The following CLYBL variants were observed in gnomAD, a reference collection of about 807,000 sequenced individuals.
The protein encoded by CLYBL is citramalyl-CoA lyase.
In CLYBL, 31 loss-of-function variants were observed where a neutral mutation model predicts 38.9. That is an observed-to-expected ratio of 0.80 (90% CI 0.60 to 1.08). The LOEUF (loss-of-function observed/expected upper bound fraction) is 1.08. Among genes scored for constraint, CLYBL ranks in the 50% least tolerant of loss-of-function variants. The probability of loss-of-function intolerance (pLI) is 0.00; values close to 1 mark genes in which losing one functional copy is unlikely to be tolerated. For synonymous variants in CLYBL, 171 were observed against 158.6 expected (o/e 1.08, Z -0.59); for missense variants, 434 against 411.6 (o/e 1.05, Z -0.47).
At chr13:99,861,413 G>C (rs919668816) in intron 3 of CLYBL, among the ~76,000 whole-genome samples, 1 of 152,158 alleles carries the variant, frequency 6.6e-6, no homozygotes, top group Non-Finnish European at 1.5e-5. Context: ...AATGGGGCAA[G>C]TCACTTCACA....
chr13:99,870,901 T>TTGTTTCG, intron 6 of CLYBL, 37 bp from the exon 7 acceptor site: 2 of 1,565,408 alleles, frequency 1.3e-6, no homozygotes, highest in Non-Finnish European at 1.7e-6. Flanking sequence ...CATCTGTTCG[T>TTGTTTCG]TGTTTCGTGG....
intron 1 of CLYBL, among the ~76,000 whole-genome samples, chr13:99,612,977 TG>T (rs2046650876): frequency 6.6e-6 from 1 of 151,508 alleles, no homozygotes; most frequent in African/African-American, 2.4e-5. Flanking sequence ...ATGATACCAC[TG>T]CACTCCAGCC....
intron 2 of CLYBL, among the ~76,000 whole-genome samples, chr13:99,813,785 A>G (rs769813848): frequency 1.3e-4 from 20 of 152,192 alleles, no homozygotes; most frequent in Non-Finnish European, 2.6e-4. Flanking sequence ...AGTGCTCCAT[A>G]TGCCTTCCCT....
chr13:99,886,490 A>T (rs2052352853), intron 7 of CLYBL, among the ~76,000 whole-genome samples: 1 of 152,246 alleles, frequency 6.6e-6, no homozygotes, highest in Non-Finnish European at 1.5e-5. Context: ...CGCGGAAGAC[A>T]CGTGTGCTAT....
chr13:99,800,998 C>T (rs1279582857), intron 2 of CLYBL, among the ~76,000 whole-genome samples: 1 of 151,520 alleles, frequency 6.6e-6, no homozygotes, highest in Non-Finnish European at 1.5e-5. Flanking sequence ...TCCTGAAGAA[C>T]AAAGTTTCAT....
rs1167068936 is a variant in CLYBL, at chr13:99,674,142, C to CTTTTTTTTTTT, written c.62+67402_62+67412dup. 9.8e-5 allele frequency among the ~76,000 whole-genome samples: 5 copies of CTTTTTTTTTTT among 51,154 alleles called. 1 individual carries two copies. The highest frequency in any genetic ancestry group is 4.4e-4 in the African/African-American group (5 of 11,432). 33.6% of individuals were successfully genotyped at this position (51,154 alleles called of 152,430 possible). A position where few individuals can be genotyped will look rare whatever the true frequency, so the allele number is the denominator to read the frequency against. On this transcript the variant is annotated intron_variant, in intron 1 of 8. Coordinates refer to ENST00000339105, the MANE Select transcript of CLYBL (RefSeq NM_206808.5). ...TCGTTTTTTTTTAGCTACTAGAATT[C>CTTTTTTTTTTT]TTTTTTTTTTTTTTTTTTTTTTTTT...
At chr13:99,672,570 T>A (rs933377290) in intron 1 of CLYBL, among the ~76,000 whole-genome samples, 10 of 151,688 alleles carry the variant, frequency 6.6e-5, no homozygotes, top group African/African-American at 2.4e-4. Flanking sequence ...GCCCAAGAGT[T>A]TGAGACCAGC....
intron 1 of CLYBL, among the ~76,000 whole-genome samples, chr13:99,729,455 T>C (rs1448441252): frequency 6.6e-6 from 1 of 152,128 alleles, no homozygotes. Flanking sequence ...CTCTGAGGCA[T>C]GGTTTCATCT....
At chr13:99,684,365 C>T (rs549621273) in intron 1 of CLYBL, among the ~76,000 whole-genome samples, 1 of 151,950 alleles carries the variant, frequency 6.6e-6, no homozygotes, top group Admixed American at 6.6e-5. Flanking sequence ...TTTTTAGCCA[C>T]CGGGCCCGGC....
intron 1 of CLYBL, among the ~76,000 whole-genome samples, chr13:99,697,648 CCTTT>C (rs1197566865): frequency 8.0e-5 from 12 of 149,444 alleles, no homozygotes; most frequent in African/African-American, 1.2e-4. Context: ...CTGCACCCAG[CCTTT>C]CTTTCTTTCT....
downstream of CLYBL, among the ~76,000 whole-genome samples, chr13:99,901,493 A>G (rs1331982578): frequency 6.6e-6 from 1 of 152,076 alleles, no homozygotes; most frequent in African/African-American, 2.4e-5. Flanking sequence ...TTTACCAGAG[A>G]GACCCCGAGA....
intron 1 of CLYBL, among the ~76,000 whole-genome samples, chr13:99,770,995 C>T (rs112644587): frequency 4.7e-5 from 7 of 148,416 alleles, no homozygotes; most frequent in African/African-American, 1.8e-4. Flanking sequence ...GCCAGGATTA[C>T]AGGCGTAAGC....
At chr13:99,731,047 C>T (rs894270707) in intron 1 of CLYBL, among the ~76,000 whole-genome samples, 2 of 137,146 alleles carry the variant, frequency 1.5e-5, no homozygotes, top group African/African-American at 5.4e-5. Context: ...CGTGCCACTG[C>T]GCTCCAGCCT....
intron 1 of CLYBL, among the ~76,000 whole-genome samples, chr13:99,761,771 T>C (rs1174469592): frequency 2.6e-5 from 4 of 152,218 alleles, no homozygotes; most frequent in Non-Finnish European, 5.9e-5. Flanking sequence ...GCTATACTAA[T>C]TTACATTTTC....
At chr13:99,657,026 G>C (rs895829981) in intron 1 of CLYBL, among the ~76,000 whole-genome samples, 1 of 152,172 alleles carries the variant, frequency 6.6e-6, no homozygotes, top group Admixed American at 6.5e-5. Context: ...AATGGATTCT[G>C]CTCCTGCCTG....
At chr13:99,609,268 C>G (rs1461748037) in intron 1 of CLYBL, among the ~76,000 whole-genome samples, 1 of 149,548 alleles carries the variant, frequency 6.7e-6, no homozygotes, top group African/African-American at 2.5e-5. Flanking sequence ...CCTCTGACTC[C>G]CGGGTTCAAG....
intron 1 of CLYBL, among the ~76,000 whole-genome samples, chr13:99,700,227 C>T (rs1320701179): frequency 3.9e-5 from 6 of 151,942 alleles, no homozygotes; most frequent in East Asian, 1.9e-4. Context: ...CCGAGGCATG[C>T]GGATCACCTG....
chr13:99,879,398 C>T (rs2052135923), intron 7 of CLYBL, among the ~76,000 whole-genome samples: 1 of 152,204 alleles, frequency 6.6e-6, no homozygotes, highest in African/African-American at 2.4e-5. Flanking sequence ...ATCTTTGCTA[C>T]ACCTCTTCCT....
chr13:99,848,682 C>T (rs1244915440), intron 2 of CLYBL, among the ~76,000 whole-genome samples: 2 of 152,238 alleles, frequency 1.3e-5, no homozygotes, highest in African/African-American at 4.8e-5. Flanking sequence ...CCTCTGCCCA[C>T]AGATTGTCCC....
Sources: allele counts gnomAD v4.1 joint callset (sites outside exome capture counted in the v4.1 genomes callset), GRCh38; gene constraint gnomAD v4.1.1; transcripts MANE v1.5; gene names NCBI Gene and HGNC (gene_info 2026-07-23, HGNC 2026-07-21).